CNOT2: variants seen among roughly 807,000 people sequenced by gnomAD.
CNOT2 encodes the protein CC chemokine receptor 4-negative regulator of transcription 2.
In CNOT2, 7 loss-of-function variants were observed where a neutral mutation model predicts 72.1. That is an observed-to-expected ratio of 0.10 (90% CI 0.06 to 0.18). The LOEUF (loss-of-function observed/expected upper bound fraction) is 0.18, where lower values mean the gene tolerates loss of function less well. CNOT2 is among the 10% of genes least tolerant of loss of function. The pLI is 1.00. For synonymous variants in CNOT2, 196 were observed against 225.6 expected (o/e 0.87, Z 1.17); for missense variants, 345 against 660.3 (o/e 0.52, Z 5.23).
intron 2 of CNOT2, among the ~76,000 whole-genome samples, chr12:70,301,247 C>T (rs1461271067): frequency 6.6e-6 from 1 of 152,176 alleles, no homozygotes; most frequent in Non-Finnish European, 1.5e-5. Context: ...GCCAGAACTT[C>T]CAACACTGTG....
At chr12:70,313,491 A>G (rs1876813951) in intron 3 of CNOT2, among the ~76,000 whole-genome samples, 1 of 152,024 alleles carries the variant, frequency 6.6e-6, no homozygotes, top group Non-Finnish European at 1.5e-5. Context: ...CTTCACATAT[A>G]ATTTATGTCC....
chr12:70,244,013 G>T (rs1957733685), intron 1 of CNOT2: 1 of 152,268 alleles, frequency 6.6e-6, no homozygotes, highest in Admixed American at 6.5e-5. Flanking sequence ...CTCAATACAC[G>T]TATATCATCT....
chr12:70,256,791 T>A (rs1958472455), intron 1 of CNOT2, among the ~76,000 whole-genome samples: 1 of 152,012 alleles, frequency 6.6e-6, no homozygotes, highest in Non-Finnish European at 1.5e-5. Flanking sequence ...TAAGGTAATA[T>A]GGGGGATGTG....
At chr12:70,343,640 T>G (rs919153505) in intron 13 of CNOT2, among the ~76,000 whole-genome samples, 3 of 152,216 alleles carry the variant, frequency 2.0e-5, no homozygotes, top group Non-Finnish European at 4.4e-5. Context: ...ACAAGGTGCT[T>G]TCATATACCT....
intron 2 of CNOT2, among the ~76,000 whole-genome samples, chr12:70,291,856 G>A (rs569909093): frequency 6.6e-6 from 1 of 152,304 alleles, no homozygotes; most frequent in African/African-American, 2.4e-5. Flanking sequence ...AGAATGGCGT[G>A]AACCAGGGAG....
chr12:70,305,833 C>T (rs1447549348), intron 2 of CNOT2, among the ~76,000 whole-genome samples: 1 of 149,192 alleles, frequency 6.7e-6, no homozygotes, highest in African/African-American at 2.5e-5. Flanking sequence ...ACCACTTTAC[C>T]CGTCTTCTCT....
chr12:70,248,476 A>T (rs1232920572), intron 1 of CNOT2, among the ~76,000 whole-genome samples: 1 of 152,158 alleles, frequency 6.6e-6, no homozygotes, highest in Non-Finnish European at 1.5e-5. Flanking sequence ...TTTCATATGG[A>T]AATGTTCACG....
At chr12:70,300,834 G>A (rs538387937) in intron 2 of CNOT2, among the ~76,000 whole-genome samples, 10 of 152,266 alleles carry the variant, frequency 6.6e-5, no homozygotes, top group African/African-American at 2.2e-4. Context: ...TCACGATATT[G>A]ATTCTTCCTA....
rs144614751 is a variant in CNOT2, at chr12:70,292,780, T to C, written c.48+14506T>C. Reference sequence around the variant, plus strand: ...CTGAAGGGGATAAAGTGTATAAGTATAAAATGTAATACCTAACATCTAGCA... The same window carrying C: ...CTGAAGGGGATAAAGTGTATAAGTACAAAATGTAATACCTAACATCTAGCA... On this transcript the variant is annotated intron_variant, in intron 2 of 15. Transcript: ENST00000229195. 7.9e-5 allele frequency among the ~76,000 whole-genome samples: 12 copies of C among 152,344 alleles called. 1 individual carries two copies. The East Asian group carries it at 1.9e-3, about 24-fold the overall frequency.
At chr12:70,329,744 G>A (rs996287244) in intron 5 of CNOT2, 174 bp downstream of exon 5, 2 of 579,502 alleles carry the variant, frequency 3.5e-6, no homozygotes, top group African/African-American at 3.8e-5. Flanking sequence ...TACAGTACAA[G>A]TGGTTTTTAT....
chr12:70,253,229 A>G (rs1228230674), intron 1 of CNOT2, among the ~76,000 whole-genome samples: 1 of 152,068 alleles, frequency 6.6e-6, no homozygotes, highest in East Asian at 1.9e-4. Flanking sequence ...ACCTTTTTCA[A>G]CCTGAATAGT....
intron 1 of CNOT2, among the ~76,000 whole-genome samples, chr12:70,250,297 A>G (rs909637611): frequency 4.6e-5 from 7 of 152,154 alleles, no homozygotes; most frequent in Non-Finnish European, 8.8e-5. Context: ...TTCTTTTTCT[A>G]TTCCCTGCAC....
At chr12:70,321,213 A>T (rs1220423533) in intron 4 of CNOT2, among the ~76,000 whole-genome samples, 1 of 151,856 alleles carries the variant, frequency 6.6e-6, no homozygotes, top group Non-Finnish European at 1.5e-5. Context: ...AGTACAGAAA[A>T]ATTGAATCTT....
chr12:70,282,183 G>T (rs1349709056), intron 2 of CNOT2, among the ~76,000 whole-genome samples: 1 of 152,172 alleles, frequency 6.6e-6, no homozygotes, highest in Admixed American at 6.5e-5. Context: ...ACATACCAGT[G>T]TAAGTGGTAT....
intron 1 of CNOT2, among the ~76,000 whole-genome samples, chr12:70,261,617 G>C (rs1958768343): frequency 6.6e-6 from 1 of 151,602 alleles, no homozygotes; most frequent in South Asian, 2.1e-4. Flanking sequence ...CGCCTGGCCA[G>C]TTTTTGTGCC....
At chr12:70,349,835 A>G (rs1882651267) in intron 15 of CNOT2, among the ~76,000 whole-genome samples, 2 of 151,942 alleles carry the variant, frequency 1.3e-5, no homozygotes, top group African/African-American at 4.8e-5. Context: ...CTCTGTCTCT[A>G]TAGAAAGAGA....
intron 11 of CNOT2, 49 bp downstream of exon 11, chr12:70,338,871 T>C: frequency 6.8e-7 from 1 of 1,472,516 alleles, no homozygotes; most frequent in Non-Finnish European, 9.4e-7. Flanking sequence ...CTCTTCAGAC[T>C]TCCAGTTTTT....
intron 7 of CNOT2, among the ~76,000 whole-genome samples, chr12:70,333,130 G>T (rs544763943): frequency 6.6e-6 from 1 of 151,892 alleles, no homozygotes; most frequent in Non-Finnish European, 1.5e-5. Flanking sequence ...TAGTATTTAT[G>T]CCTCAAAATA....
At chr12:70,290,234 T>G (rs566694667) in intron 2 of CNOT2, among the ~76,000 whole-genome samples, 38 of 152,158 alleles carry the variant, frequency 2.5e-4, no homozygotes, top group Non-Finnish European at 4.4e-4. Context: ...GCCTTTTTTT[T>G]TTGTTTTTTT....
Sources: allele counts gnomAD v4.1 joint callset (sites outside exome capture counted in the v4.1 genomes callset), GRCh38; gene constraint gnomAD v4.1.1; transcripts MANE v1.5; gene names NCBI Gene and HGNC (gene_info 2026-07-23, HGNC 2026-07-21).